Variants in FAM193A observed in about 807,000 individuals in gnomAD.
FAM193A encodes family with sequence similarity 193 member A, also known as protein FAM193A.
In FAM193A, 22 loss-of-function variants were observed where a neutral mutation model predicts 126.5. The ratio of observed to expected loss-of-function variants is 0.17; its 90% CI spans 0.12 to 0.25. The LOEUF (loss-of-function observed/expected upper bound fraction) is 0.25. FAM193A is among the 10% of genes least tolerant of loss of function. FAM193A has a pLI of 1.00. For missense variants in FAM193A, 1,675 were observed against 1,672.8 expected, an observed-to-expected ratio of 1.00 and a Z score of -0.02; for synonymous variants, 761 against 646.8, an observed-to-expected ratio of 1.18 and a Z score of -2.68.
chr4:2,557,019 C>T (rs1454305807), intron 1 of FAM193A, among the ~76,000 whole-genome samples: 1 of 152,056 alleles, frequency 6.6e-6, no homozygotes, highest in Admixed American at 6.6e-5. Context: ...ATCCCAAGAC[C>T]CCTACTGGAT....
intron 18 of FAM193A, among the ~76,000 whole-genome samples, chr4:2,697,816 A>G (rs776392168): frequency 2.0e-5 from 3 of 152,176 alleles, no homozygotes; most frequent in Non-Finnish European, 4.4e-5. Flanking sequence ...CAGAGAACAC[A>G]GTGTGTCCTC....
intron 1 of FAM193A, among the ~76,000 whole-genome samples, chr4:2,547,671 G>C (rs371307780): frequency 1.3e-5 from 2 of 151,558 alleles, no homozygotes; most frequent in African/African-American, 4.9e-5. Flanking sequence ...TTTCGCCCAG[G>C]CTGGAGTGCA....
At chr4:2,570,066 A>G (rs1233357604) in intron 1 of FAM193A, among the ~76,000 whole-genome samples, 1 of 136,860 alleles carries the variant, frequency 7.3e-6, no homozygotes, top group Non-Finnish European at 1.6e-5. Flanking sequence ...AATAAGTTAC[A>G]GAAACTGAGA....
chr4:2,643,834 C>T (rs760387764), intron 6 of FAM193A, among the ~76,000 whole-genome samples: 12 of 152,094 alleles, frequency 7.9e-5, no homozygotes, highest in East Asian at 1.9e-4. Flanking sequence ...AAGGCGTAGG[C>T]GGGGGGTGTT....
rs1167108400 is a variant in FAM193A at position 2,686,788 on chromosome 4, G to T, written c.2332-2718G>T. ...CGGCACAATGGGACTGCTGCTCAAA[G>T]CTAGCAGTTTGGCATCTGTCACGGG... On this transcript the variant is annotated intron_variant, in intron 13 of 20. Transcript: ENST00000637812. Among the ~76,000 whole-genome samples, 3 of 152,342 alleles carry T rather than the reference G, an allele frequency of 2.0e-5. No homozygotes were observed. In the East Asian group the frequency reaches 5.8e-4, roughly 29 times the overall value.
intron 2 of FAM193A, among the ~76,000 whole-genome samples, chr4:2,614,134 C>G (rs1230888537): frequency 6.6e-6 from 1 of 152,166 alleles, no homozygotes; most frequent in African/African-American, 2.4e-5. Context: ...TCTTCCTTTG[C>G]AATCTGTGTA....
rs1743034685 is a variant in FAM193A, at chr4:2,627,026, A to C, written c.803+449A>C. 3.9e-5 allele frequency among the ~76,000 whole-genome samples: 6 copies of C among 152,140 alleles called. No homozygotes were observed. In the South Asian group the frequency reaches 1.2e-3, roughly 31 times the overall value. ...TGCCTGTGGTTCATGAGGCCAAGAC[A>C]GCTGAGGCGTGCCTGGCCGTGTGGC... On this transcript the variant is annotated intron_variant, in intron 4 of 20. Coordinates refer to ENST00000637812, the MANE Select transcript of FAM193A (RefSeq NM_001366318.2).
intron 1 of FAM193A, among the ~76,000 whole-genome samples, chr4:2,581,245 T>A (rs949703169): frequency 6.9e-6 from 1 of 144,664 alleles, no homozygotes; most frequent in Non-Finnish European, 1.5e-5. Context: ...CTGAAATATT[T>A]TCTTTCTTTC....
intron 1 of FAM193A, among the ~76,000 whole-genome samples, chr4:2,560,382 G>T (rs866735761): frequency 2.6e-5 from 4 of 152,152 alleles, no homozygotes; most frequent in African/African-American, 9.7e-5. Context: ...CTGAGTTCCT[G>T]TGGTGCCTGT....
upstream of FAM193A, among the ~76,000 whole-genome samples, chr4:2,535,637 G>A (rs1736835620): frequency 6.6e-6 from 1 of 152,182 alleles, no homozygotes; most frequent in Non-Finnish European, 1.5e-5. Flanking sequence ...CAAGGCCGCG[G>A]AGGGAGGAGG....
Position 2,699,882 on chromosome 4 carries a change from C to T in FAM193A, c.3710C>T (p.Pro1237Leu), listed in dbSNP as rs760784848. Reference sequence around the variant, plus strand: ...AAGGAGAGGCCAAGTAAAGACTGCCCCAAGTTGGACATGCTCACTAGAAAT... The same window carrying T: ...AAGGAGAGGCCAAGTAAAGACTGCCTCAAGTTGGACATGCTCACTAGAAAT... The part of the protein sequence containing the change: ...KKKERPSKDC[P>L]KLDMLTRNFQ... Residue 1237 changes from proline to leucine, a missense_variant, in exon 19 of 21, where the codon CCC becomes CTC. Physicochemically the swap from Pro to Leu is moderately conservative, Grantham distance 98. Coordinates refer to ENST00000637812, the MANE Select transcript of FAM193A (RefSeq NM_001366318.2). 1 of 1,613,962 alleles carries T rather than the reference C, an allele frequency of 6.2e-7. No individual in the cohort carries two copies. Among genetic ancestry groups the T allele is most frequent in the Non-Finnish European group, 8.5e-7 (1 of 1,179,966 alleles).
At chr4:2,638,024 C>T (rs1478239331) in intron 5 of FAM193A, among the ~76,000 whole-genome samples, 1 of 152,246 alleles carries the variant, frequency 6.6e-6, no homozygotes, top group East Asian at 1.9e-4. Context: ...TAGCAACTGG[C>T]CCAGAAAGCC....
chr4:2,696,682 C>CCCG, intron 18 of FAM193A, 89 bp downstream of exon 18: 1 of 986,630 alleles, frequency 1.0e-6, no homozygotes, highest in Non-Finnish European at 1.5e-6. Context: ...AGGGCTGAGC[C>CCCG]ACAGGAGGTC....
At chr4:2,594,514 C>T (rs1239910690) in intron 1 of FAM193A, among the ~76,000 whole-genome samples, 2 of 152,206 alleles carry the variant, frequency 1.3e-5, no homozygotes, top group East Asian at 3.8e-4. Context: ...GCAGGAGAGA[C>T]TAGCGGGGGT....
chr4:2,663,118 A>G lies in FAM193A; in HGVS notation c.1909A>G (p.Ile637Val). 1 of 1,613,346 alleles carries G rather than the reference A, an allele frequency of 6.2e-7. No homozygotes were observed. The highest frequency in any genetic ancestry group is 8.5e-7 in the Non-Finnish European group (1 of 1,179,640). The stretch of plus-strand genomic sequence containing the variant: ...AAGATTGTCTTTAAAGTCTCCTCAG[A>G]TAAGCAGTACCAGCAGTAGTTCCTC... ...NMALKDESPQ[I>V]SSTSSSSSEA... is the part of the protein sequence containing the mutation. The change falls in exon 12 of 21, where the codon ATA (isoleucine) becomes GTA (valine). Residue 637 changes from isoleucine (I) to valine (V), a missense_variant. Ile to Val is a conservative substitution (Grantham distance 29, BLOSUM62 3). Coordinates refer to ENST00000637812, the MANE Select transcript of FAM193A (RefSeq NM_001366318.2).
At chr4:2,586,600 C>T (rs1740254690) in intron 1 of FAM193A, among the ~76,000 whole-genome samples, 1 of 151,968 alleles carries the variant, frequency 6.6e-6, no homozygotes, top group Non-Finnish European at 1.5e-5. Context: ...TTCTATATTC[C>T]TTCGTCTACT....
Position 2,696,467 on chromosome 4 carries a change from C to T in FAM193A, c.3381C>T (p.Ile1127=). 1 of 1,614,072 alleles carries T rather than the reference C, an allele frequency of 6.2e-7. No individual in the cohort carries two copies. The highest frequency in any genetic ancestry group is 2.2e-5 in the East Asian group (1 of 44,900). Residue 1127 remains isoleucine, a synonymous_variant, in exon 18 of 21, where the codon ATC becomes ATT. Transcript: ENST00000637812. ...AGCAACCTAAAAAAATGGACCAGAT[C>T]TCAGAAAGGGAAAGCGTCGTTGACC... ...KEEQPKKMDQ[I]SERESVVDHR...
At chr4:2,682,858 A>T (rs1038731935) in intron 13 of FAM193A, among the ~76,000 whole-genome samples, 6 of 152,362 alleles carry the variant, frequency 3.9e-5, no homozygotes, top group Non-Finnish European at 4.4e-5. Flanking sequence ...TACAGTGATG[A>T]TGATTACTTT....
intron 1 of FAM193A, among the ~76,000 whole-genome samples, chr4:2,583,289 A>T (rs1397080526): frequency 6.6e-6 from 1 of 152,050 alleles, no homozygotes; most frequent in African/African-American, 2.4e-5. Context: ...TCAGTTTTAG[A>T]CATGTCTGGT....
Sources: allele counts gnomAD v4.1 joint callset (sites outside exome capture counted in the v4.1 genomes callset), GRCh38; gene constraint gnomAD v4.1.1; transcripts MANE v1.5; gene names NCBI Gene and HGNC (gene_info 2026-07-23, HGNC 2026-07-21).